TTC38: variants seen among roughly 807,000 people sequenced by gnomAD.
TTC38 encodes tetratricopeptide repeat domain 38.
A neutral mutation model predicts 64.2 loss-of-function variants in TTC38; 64 were observed. The ratio of observed to expected loss-of-function variants is 1.00; its 90% CI spans 0.81 to 1.23. TTC38 has a LOEUF of 1.23. TTC38 is among the 50% of genes most tolerant of loss of function. The pLI is 0.00. For synonymous variants in TTC38, 254 were observed against 249.3 expected (o/e 1.02, Z -0.18); for missense variants, 573 against 615.5 (o/e 0.93, Z 0.73).
chr22:46,287,963 G>A (rs1016853124), intron 10 of TTC38, among the ~76,000 whole-genome samples: 12 of 152,194 alleles, frequency 7.9e-5, no homozygotes, highest in Non-Finnish European at 1.6e-4. Flanking sequence ...CAGGCTTGAT[G>A]TGGTCAGATG....
chr22:46,280,530 G>T (rs914003710), intron 6 of TTC38, among the ~76,000 whole-genome samples: 4 of 152,228 alleles, frequency 2.6e-5, no homozygotes, highest in Non-Finnish European at 5.9e-5. Flanking sequence ...CCCGTCTCGG[G>T]GCCCCACGCC....
rs879499373 is a variant in TTC38, at chr22:46,270,840, G to GAAA, written c.112-1485_112-1483dup. Reference sequence around the variant, plus strand: ...CAGGGCAAGACTCCATCTCAAAAAAGAAAAAAAAAAAATTAGCCGGGCGCA... The same window carrying GAAA: ...CAGGGCAAGACTCCATCTCAAAAAAGAAAAAAAAAAAAAAATTAGCCGGGCGCA... On this transcript the variant is annotated intron_variant, in intron 2 of 13. Transcript: ENST00000381031. The surrounding 1 kb of genome is among the most constrained non-coding windows in gnomAD (Gnocchi z 4.7). Among the ~76,000 whole-genome samples the GAAA allele has an allele frequency of 7.6e-6, 1 of 131,042 alleles. No individual in the cohort carries two copies. Among genetic ancestry groups the GAAA allele is most frequent in the Non-Finnish European group, 1.7e-5 (1 of 59,756 alleles). 86.0% of individuals were successfully genotyped at this position (131,042 alleles called of 152,430 possible).
chr22:46,273,888 C>G lies in TTC38; in HGVS notation c.194-10C>G. On this transcript the variant is annotated splice_polypyrimidine_tract_variant and intron_variant, in intron 3 of 13. Transcript: ENST00000381031. This position sits in a 1 kb window ranked among gnomAD's most constrained non-coding sequence, Gnocchi z 5.1. ...TCTGAACCACCAGCCGTTCTCTAAC[C>G]TCCCACCAGTGATGGGCCACGCCAT... The G allele has an allele frequency of 6.2e-7, 1 of 1,614,050 alleles. No homozygotes were observed. Among genetic ancestry groups the G allele is most frequent in the Non-Finnish European group, 8.5e-7 (1 of 1,179,950 alleles).
chr22:46,278,703 A>C, intron 6 of TTC38, 42 bp downstream of exon 6: 4 of 1,540,132 alleles, frequency 2.6e-6, no homozygotes, highest in Non-Finnish European at 3.6e-6. Flanking sequence ...CTCAGGGAGT[A>C]GCCGTTGGCT....
At chr22:46,269,901 C>A (rs1936857064) in intron 2 of TTC38, among the ~76,000 whole-genome samples, 1 of 152,154 alleles carries the variant, frequency 6.6e-6, no homozygotes, top group South Asian at 2.1e-4. Flanking sequence ...CAAGCGATTG[C>A]CCTGCCTCAG....
intron 6 of TTC38, among the ~76,000 whole-genome samples, 180 bp downstream of exon 6, chr22:46,278,841 T>C (rs2077512883): frequency 6.6e-6 from 1 of 152,226 alleles, no homozygotes; most frequent in Non-Finnish European, 1.5e-5. Flanking sequence ...GGGGCTGTCA[T>C]TCACCTGTGG....
chr22:46,269,584 A>G (rs1936848760), intron 2 of TTC38, among the ~76,000 whole-genome samples: 1 of 152,218 alleles, frequency 6.6e-6, no homozygotes, highest in South Asian at 2.1e-4. Context: ...CTTCATCCAC[A>G]TAACAGGAGG....
rs1936941083 is a variant in TTC38, at chr22:46,273,542, C to T, written c.194-356C>T. On this transcript the variant is annotated intron_variant, in intron 3 of 13. Transcript: ENST00000381031. This position sits in a 1 kb window ranked among gnomAD's most constrained non-coding sequence, Gnocchi z 5.1. Reference sequence around the variant, plus strand: ...TCCAGCCCCTTATGAGCAGCATCCACTGATGCCTCCCGGGAGCCGTGTGCT... The same window carrying T: ...TCCAGCCCCTTATGAGCAGCATCCATTGATGCCTCCCGGGAGCCGTGTGCT... 6.6e-6 allele frequency among the ~76,000 whole-genome samples: 1 copy of T among 152,260 alleles called. No individual in the cohort carries two copies. The highest frequency in any genetic ancestry group is 1.5e-5 in the Non-Finnish European group (1 of 68,046).
At chr22:46,288,327 C>A in intron 10 of TTC38, 96 bp from the exon 11 acceptor site, 1 of 1,326,658 alleles carries the variant, frequency 7.5e-7, no homozygotes, top group Admixed American at 2.0e-5. Context: ...ACAGGGTCAT[C>A]AAGGCCTCCA....
chr22:46,281,558 A>G lies in TTC38; in HGVS notation c.616-41A>G. 6.2e-7 allele frequency: 1 copy of G among 1,605,034 alleles called. No homozygotes were observed. The highest frequency in any genetic ancestry group is 8.5e-7 in the Non-Finnish European group (1 of 1,174,314). ...GTCGCCTGCCCCGGCAGCCTGACTG[A>G]TCTGCTTTATCTGGAATCCTCTTCC... On this transcript the variant is annotated intron_variant, in intron 6 of 13. Coordinates refer to ENST00000381031, the MANE Select transcript of TTC38 (RefSeq NM_017931.4). The surrounding 1 kb of genome is among the most constrained non-coding windows in gnomAD (Gnocchi z 5.2).
intron 7 of TTC38, 64 bp from the exon 8 acceptor site, chr22:46,283,909 C>T: frequency 3.2e-6 from 2 of 630,200 alleles, no homozygotes; most frequent in South Asian, 1.8e-5. Flanking sequence ...CACAAAACAA[C>T]ATTTGTTTTT....
In TTC38 at chr22:46,272,254, G is replaced by A; in HGVS notation, c.112-81G>A. The stretch of plus-strand genomic sequence containing the variant: ...GTTCTGCCCGCCTCGGCCTCCCAAA[G>A]TGTAAACCTGGATTTAGAGCCACCT... On this transcript the variant is annotated intron_variant, in intron 2 of 13. Transcript: ENST00000381031. This position sits in a 1 kb window ranked among gnomAD's most constrained non-coding sequence, Gnocchi z 6.4. 8.1e-7 allele frequency: 1 copy of A among 1,228,016 alleles called. No homozygotes were observed. The highest frequency in any genetic ancestry group is 1.2e-6 in the Non-Finnish European group (1 of 837,780). The allele number at this position is 1,228,016 out of a possible 1,614,324, so 76.1% of individuals were successfully genotyped here.
chr22:46,292,872 C>T lies in TTC38; in HGVS notation c.1398C>T (p.His466=). The change falls in exon 14 of 14, where the codon CAC becomes CAT. Residue 466 remains histidine (H), a synonymous_variant. Transcript: ENST00000381031. This position sits in a 1 kb window ranked among gnomAD's most constrained non-coding sequence, Gnocchi z 6.5. ...TCATCCGCAAGGCAGCTACCGTCCA[C>T]CTCATGCAGTGAGCCAGCCTGGCCG... The part of the protein sequence containing the change: ...ERLIRKAATV[H]LMQ 1 of 1,613,228 alleles carries T rather than the reference C, an allele frequency of 6.2e-7. No homozygotes were observed. Among genetic ancestry groups the T allele is most frequent in the Non-Finnish European group, 8.5e-7 (1 of 1,179,352 alleles).
At chr22:46,288,876 G>A (rs1055187178) in intron 11 of TTC38, among the ~76,000 whole-genome samples, 18 of 152,228 alleles carry the variant, frequency 1.2e-4, no homozygotes, top group Non-Finnish European at 5.9e-5. Flanking sequence ...GCTGCCTCCC[G>A]TGGAGAGGAC....
At position 46,274,740 on chromosome 22, in the gene TTC38, T is replaced by G. The variant is rs1276023344; in HGVS notation, c.366-508T>G. ...TTTGGCAATTTGTTAAACCAGTTTT[T>G]TTTTTTTTTTAAATTGAACTAAAGA... On this transcript the variant is annotated intron_variant, in intron 4 of 13. Coordinates refer to ENST00000381031, the MANE Select transcript of TTC38 (RefSeq NM_017931.4). This position sits in a 1 kb window ranked among gnomAD's most constrained non-coding sequence, Gnocchi z 4.8. Among the ~76,000 whole-genome samples the G allele has an allele frequency of 2.0e-5, 3 of 152,218 alleles. No individual in the cohort carries two copies. The highest frequency in any genetic ancestry group is 4.8e-5 in the African/African-American group (2 of 41,450).
chr22:46,278,691 C>A, intron 6 of TTC38, 30 bp downstream of exon 6: 1 of 1,580,208 alleles, frequency 6.3e-7, no homozygotes, highest in Non-Finnish European at 8.7e-7. Flanking sequence ...GGTGCCTGAC[C>A]CCTCAGGGAG....
At chr22:46,287,302 C>A (rs535073849) in intron 10 of TTC38, 148 bp downstream of exon 10, 23 of 628,734 alleles carry the variant, frequency 3.7e-5, no homozygotes, top group Admixed American at 1.8e-4. Flanking sequence ...CCTTGGGTAC[C>A]GTTCTGCAGC....
intron 6 of TTC38, 93 bp downstream of exon 6, chr22:46,278,754 G>A (rs1158268677): frequency 1.3e-5 from 13 of 1,004,314 alleles, no homozygotes; most frequent in African/African-American, 6.4e-5. Flanking sequence ...GTGTGACCCC[G>A]GCGAACCCCA....
At position 46,275,144 on chromosome 22, in the gene TTC38, C is replaced by G; in HGVS notation, c.366-104C>G. On this transcript the variant is annotated intron_variant, in intron 4 of 13. Transcript: ENST00000381031. This position sits in a 1 kb window ranked among gnomAD's most constrained non-coding sequence, Gnocchi z 4.5. The stretch of plus-strand genomic sequence containing the variant: ...TCAGAAACTGATTTTTAAAAAAACA[C>G]ATCCATGTAGACCATGACACTGGTG... 8.7e-7 allele frequency: 1 copy of G among 1,146,336 alleles called. No homozygotes were observed. 71.0% of individuals were successfully genotyped at this position (1,146,336 alleles called of 1,614,324 possible).
Sources: allele counts gnomAD v4.1 joint callset (sites outside exome capture counted in the v4.1 genomes callset), GRCh38; gene constraint gnomAD v4.1.1; non-coding constraint Gnocchi (gnomAD v3.1); transcripts MANE v1.5; gene names NCBI Gene and HGNC (gene_info 2026-07-23, HGNC 2026-07-21).